The following KSR2 variants were observed in gnomAD, a reference collection of about 807,000 sequenced individuals.
KSR2 encodes the protein kinase suppressor of ras 2.
A neutral mutation model predicts 107.8 loss-of-function variants in KSR2; 25 were observed. That is an observed-to-expected ratio of 0.23 (90% CI 0.17 to 0.32). KSR2 has a LOEUF of 0.32. Ranked by LOEUF, KSR2 falls within the 10% of genes least tolerant of loss-of-function variation. KSR2 has a pLI of 1.00. For synonymous variants in KSR2, 480 were observed against 507.0 expected, an observed-to-expected ratio of 0.95 and a Z score of 0.71; for missense variants, 887 against 1,268.9, an observed-to-expected ratio of 0.70 and a Z score of 4.57.
chr12:117,637,769 C>T (rs1198489582), intron 5 of KSR2, among the ~76,000 whole-genome samples: 1 of 148,260 alleles, frequency 6.7e-6, no homozygotes, highest in Non-Finnish European at 1.5e-5. Context: ...GCAACCTCCA[C>T]CTCCCAGGTT....
At chr12:117,830,746 G>C (rs773407602) in intron 3 of KSR2, among the ~76,000 whole-genome samples, 1 of 152,152 alleles carries the variant, frequency 6.6e-6, no homozygotes, top group Non-Finnish European at 1.5e-5. Flanking sequence ...CCTCTAAAAA[G>C]ACAGCTGCAA....
rs185422179 is a variant in KSR2 at position 117,500,584 on chromosome 12, G to T, written c.2220-14893C>A. 3.3e-5 allele frequency among the ~76,000 whole-genome samples: 5 copies of T among 152,260 alleles called. No individual in the cohort carries two copies. In the East Asian group the frequency reaches 9.6e-4, roughly 29 times the overall value. ...TCTACCCTAATTCTATTTGATACTAGCATCTTATTCCTAACCACTAAGCTA... is the reference window on the plus strand; with the variant it reads ...TCTACCCTAATTCTATTTGATACTATCATCTTATTCCTAACCACTAAGCTA... On this transcript the variant is annotated intron_variant, in intron 14 of 19. Coordinates refer to ENST00000339824, the MANE Select transcript of KSR2 (RefSeq NM_173598.6).
chr12:117,684,534 C>T (rs552836577), intron 4 of KSR2, among the ~76,000 whole-genome samples: 1 of 151,518 alleles, frequency 6.6e-6, no homozygotes, highest in African/African-American at 2.4e-5. Flanking sequence ...GCAAGGCTGG[C>T]ACCCACCCTC....
At chr12:117,823,120 A>C (rs1243210547) in intron 3 of KSR2, among the ~76,000 whole-genome samples, 1 of 137,984 alleles carries the variant, frequency 7.2e-6, no homozygotes, top group African/African-American at 2.5e-5. Flanking sequence ...AGGAACTCAA[A>C]AAAAAAAAAA....
chr12:117,509,442 G>A (rs1429052328), intron 14 of KSR2, among the ~76,000 whole-genome samples: 2 of 152,208 alleles, frequency 1.3e-5, no homozygotes, highest in Admixed American at 6.5e-5. Context: ...GAGCAGGGAG[G>A]TAGGAAAGCA....
Position 117,540,673 on chromosome 12 carries a change from G to T in KSR2, c.1519-786C>A, listed in dbSNP as rs553043927. ...CTAAATCCAATGACAGACATATGGA[G>T]AGGAAAGTCATGTGAAGATGGAGGG... On this transcript the variant is annotated intron_variant, in intron 9 of 19. Coordinates refer to ENST00000339824, the MANE Select transcript of KSR2 (RefSeq NM_173598.6). Among the ~76,000 whole-genome samples the T allele has an allele frequency of 2.0e-5, 3 of 151,866 alleles. No homozygotes were observed. In the East Asian group the frequency reaches 5.8e-4, roughly 29 times the overall value.
intron 3 of KSR2, among the ~76,000 whole-genome samples, chr12:117,778,656 G>A (rs1302476720): frequency 6.6e-6 from 1 of 152,158 alleles, no homozygotes; most frequent in African/African-American, 2.4e-5. Context: ...CCACCAGCTG[G>A]GAAGAATGGG....
At chr12:117,639,099 T>A (rs1883240554) in intron 5 of KSR2, among the ~76,000 whole-genome samples, 1 of 152,108 alleles carries the variant, frequency 6.6e-6, no homozygotes, top group Non-Finnish European at 1.5e-5. Flanking sequence ...ATTGCCCACT[T>A]AGTTTTTGAA....
chr12:117,906,857 C>T (rs1467458827), intron 1 of KSR2, among the ~76,000 whole-genome samples: 8 of 151,962 alleles, frequency 5.3e-5, no homozygotes, highest in Non-Finnish European at 1.2e-4. Flanking sequence ...CTGAGGCCCC[C>T]GTCTCTACAA....
At chr12:117,767,614 G>A (rs1302512984) in intron 3 of KSR2, among the ~76,000 whole-genome samples, 3 of 150,096 alleles carry the variant, frequency 2.0e-5, no homozygotes, top group Non-Finnish European at 3.0e-5. Flanking sequence ...GCGAATCCCT[G>A]TCTCTACTAA....
At position 117,713,894 on chromosome 12, in the gene KSR2, C is replaced by T. The variant is rs76936263; in HGVS notation, c.987-46236G>A. On this transcript the variant is annotated intron_variant, in intron 4 of 19. Transcript: ENST00000339824. ...ACTCCAGCTCCCTGATGCCAGCAAC[C>T]CATTGCTTCTAAGTCAGAGTTAAAT... Among the ~76,000 whole-genome samples, 720 of 152,280 alleles carry T rather than the reference C, an allele frequency of 4.7e-3. 3 individuals carry two copies. Among genetic ancestry groups the T allele is most frequent in the Non-Finnish European group, 6.5e-3 (439 of 68,018 alleles).
intron 5 of KSR2, 148 bp from the exon 6 acceptor site, chr12:117,582,507 G>T: frequency 1.5e-6 from 1 of 656,116 alleles, no homozygotes; most frequent in South Asian, 1.8e-5. Flanking sequence ...GTGGAACACT[G>T]GTTTAGCTTG....
intron 4 of KSR2, among the ~76,000 whole-genome samples, chr12:117,700,393 C>T (rs1443054768): frequency 6.6e-6 from 1 of 152,140 alleles, no homozygotes; most frequent in Admixed American, 6.5e-5. Flanking sequence ...CTACGCATTC[C>T]ATGTGACAGG....
intron 5 of KSR2, among the ~76,000 whole-genome samples, chr12:117,585,098 G>T (rs2136250095): frequency 6.6e-6 from 1 of 152,294 alleles, no homozygotes; most frequent in African/African-American, 2.4e-5. Context: ...AGCATCTGGT[G>T]GGGAGAGAGC....
At position 117,485,786 on chromosome 12, in the gene KSR2, C is replaced by G. The variant is rs1015237735; in HGVS notation, c.2220-95G>C. 7 of 803,550 alleles carry G rather than the reference C, an allele frequency of 8.7e-6. No homozygotes were observed. In the East Asian group the frequency reaches 1.5e-4, roughly 18 times the overall value. 49.8% of individuals were successfully genotyped at this position (803,550 alleles called of 1,614,324 possible). The stretch of plus-strand genomic sequence containing the variant: ...CAAGTGACAAATGATGGCATAGACA[C>G]GTGGACATGCCACTATTGTGCTTAT... On this transcript the variant is annotated intron_variant, in intron 14 of 19. Transcript: ENST00000339824.
chr12:117,490,415 T>C (rs2137154006), intron 14 of KSR2, among the ~76,000 whole-genome samples: 1 of 152,336 alleles, frequency 6.6e-6, no homozygotes, highest in East Asian at 1.9e-4. Flanking sequence ...AGCCTAAGGA[T>C]AAGAGTCTTA....
intron 3 of KSR2, among the ~76,000 whole-genome samples, chr12:117,793,160 G>A (rs1384231889): frequency 6.1e-5 from 7 of 115,190 alleles, no homozygotes; most frequent in East Asian, 2.9e-4. Context: ...CAATATGCAC[G>A]CACACCAACA....
chr12:117,659,345 A>C (rs2393250), intron 5 of KSR2, among the ~76,000 whole-genome samples: 1 of 152,190 alleles, frequency 6.6e-6, no homozygotes, highest in African/African-American at 2.4e-5. Flanking sequence ...AGTACAAAAT[A>C]TGTAGGCAGG....
At position 117,457,182 on chromosome 12, in the gene KSR2, T is replaced by G. The variant is rs1235224706; in HGVS notation, c.*10017A>C. The G allele has an allele frequency of 6.6e-6, 1 of 152,266 alleles. No individual in the cohort carries two copies. Among genetic ancestry groups the G allele is most frequent in the Non-Finnish European group, 1.5e-5 (1 of 68,058 alleles). 9.4% of individuals were successfully genotyped at this position (152,266 alleles called of 1,614,324 possible). On this transcript the variant is annotated 3_prime_UTR_variant, in exon 20 of 20. Transcript: ENST00000339824. ...CTTACCTAGACAGCCTTCAAACCAC[T>G]GGTGATGCTAACTAGTGCTTTAAAA...
Sources: gnomAD v4.1 joint callset for allele counts (sites outside exome capture counted in the v4.1 genomes callset) on GRCh38, gnomAD v4.1.1 for gene constraint, MANE v1.5 for transcripts, NCBI Gene and HGNC (gene_info 2026-07-23, HGNC 2026-07-21) for gene names.